Variants in LINGO2 observed in about 807,000 individuals in gnomAD.
The protein encoded by LINGO2 is leucine rich repeat and Ig domain containing 2.
In LINGO2, 14 loss-of-function variants were observed where a neutral mutation model predicts 30.6. The observed-to-expected ratio is 0.46, with a 90% CI of 0.30 to 0.72. The LOEUF is 0.72. Ranked by LOEUF, LINGO2 falls within the 30% of genes least tolerant of loss-of-function variation. The pLI, the probability that LINGO2 is intolerant of heterozygous loss-of-function variation, is 0.07. For synonymous variants in LINGO2, 317 were observed against 288.5 expected, an observed-to-expected ratio of 1.10 and a Z score of -1.00; for missense variants, 729 against 751.7, an observed-to-expected ratio of 0.97 and a Z score of 0.35.
chr9:28,197,819 T>C (rs1410270644), intron 4 of LINGO2, among the ~76,000 whole-genome samples: 1 of 151,792 alleles, frequency 6.6e-6, no homozygotes, highest in Non-Finnish European at 1.5e-5. Flanking sequence ...GTTAATTATC[T>C]TAAAGAACTC....
At chr9:28,914,565 C>T in the LINGO2 span, among the ~76,000 whole-genome samples, 1 of 152,148 alleles carries the variant, frequency 6.6e-6, no homozygotes, top group Admixed American at 6.6e-5. Context: ...TGGGTTTGAA[C>T]TGTGCAGGTT....
intron 4 of LINGO2, among the ~76,000 whole-genome samples, chr9:28,056,872 AGAAT>A (rs1430168629): frequency 6.6e-6 from 1 of 152,172 alleles, no homozygotes; most frequent in East Asian, 1.9e-4. Flanking sequence ...TTAAAATACA[AGAAT>A]GATAGAAACT....
At chr9:28,433,949 C>CTCTCTCTCTATATATATATATATATA (rs1225323260) in intron 2 of LINGO2, among the ~76,000 whole-genome samples, 7 of 88,532 alleles carry the variant, frequency 7.9e-5, no homozygotes, top group African/African-American at 2.2e-4. Context: ...CTCTCTCTCT[C>CTCTCTCTCTATATATATATATATATA]TATATATATA....
intron 5 of LINGO2, among the ~76,000 whole-genome samples, chr9:28,008,480 T>G (rs1377566087): frequency 1.8e-5 from 1 of 56,262 alleles, no homozygotes; most frequent in East Asian, 7.2e-4. Flanking sequence ...AAGACAGTTA[T>G]GGAAGGAAAA....
chr9:28,282,443 G>A (rs1396788296), intron 4 of LINGO2, among the ~76,000 whole-genome samples: 3 of 151,116 alleles, frequency 2.0e-5, no homozygotes, highest in Non-Finnish European at 2.9e-5. Context: ...TCCAAATCAT[G>A]TATTTCAGAA....
At chr9:28,268,775 A>G (rs1198755248) in intron 4 of LINGO2, among the ~76,000 whole-genome samples, 1 of 152,148 alleles carries the variant, frequency 6.6e-6, no homozygotes, top group Non-Finnish European at 1.5e-5. Context: ...AACATGCTGT[A>G]GACAACACAA....
intron 2 of LINGO2, among the ~76,000 whole-genome samples, chr9:28,459,392 A>G (rs1334686487): frequency 3.3e-5 from 5 of 152,138 alleles, no homozygotes; most frequent in Non-Finnish European, 7.4e-5. Context: ...TTTGGTAACA[A>G]GTTGAGAGTC....
chr9:28,284,498 C>A (rs1273086062), intron 4 of LINGO2, among the ~76,000 whole-genome samples: 6 of 152,124 alleles, frequency 3.9e-5, no homozygotes, highest in Non-Finnish European at 8.8e-5. Context: ...TCAGTTATTT[C>A]ATAAGTATTA....
chr9:28,247,951 G>A (rs1466813109), intron 4 of LINGO2, among the ~76,000 whole-genome samples: 2 of 152,078 alleles, frequency 1.3e-5, no homozygotes, highest in Non-Finnish European at 2.9e-5. Flanking sequence ...CAAAAGTCAG[G>A]AGCTAACAAA....
chr9:28,396,270 T>A (rs985774086), intron 2 of LINGO2, among the ~76,000 whole-genome samples: 20 of 152,220 alleles, frequency 1.3e-4, no homozygotes, highest in African/African-American at 4.6e-4. Flanking sequence ...CTATGAATCA[T>A]ATGCAAAGTA....
Position 28,667,256 on chromosome 9 carries a change from T to G in LINGO2, c.-365+2944A>C, listed in dbSNP as rs1160807061. 2.0e-5 allele frequency among the ~76,000 whole-genome samples: 3 copies of G among 152,304 alleles called. No individual in the cohort carries two copies. In the East Asian group the frequency reaches 5.8e-4, roughly 29 times the overall value. On this transcript the variant is annotated intron_variant, in intron 1 of 5. Transcript: ENST00000379992. ...TCTCACTTTAACTAAACCCATGTAA[T>G]ATTATTTTTAAAACCTTTCTCATAT...
At chr9:29,010,626 G>C in the LINGO2 span, among the ~76,000 whole-genome samples, 1 of 152,086 alleles carries the variant, frequency 6.6e-6, no homozygotes, top group Non-Finnish European at 1.5e-5. Flanking sequence ...TTTTTTTACT[G>C]AACTTCATGA....
At chr9:28,601,316 G>T (rs1825460161) in intron 1 of LINGO2, among the ~76,000 whole-genome samples, 1 of 152,090 alleles carries the variant, frequency 6.6e-6, no homozygotes, top group Non-Finnish European at 1.5e-5. Context: ...CCAAATTTAG[G>T]CTTATTCCTA....
intron 1 of LINGO2, among the ~76,000 whole-genome samples, chr9:28,519,280 C>T (rs866371636): frequency 2.0e-5 from 3 of 152,058 alleles, no homozygotes; most frequent in Non-Finnish European, 2.9e-5. Flanking sequence ...AAGTGATCCC[C>T]GGCCTCTGAC....
chr9:29,014,811 A>G, the LINGO2 span, among the ~76,000 whole-genome samples: 2 of 152,294 alleles, frequency 1.3e-5, no homozygotes, highest in Middle Eastern at 3.4e-3. Flanking sequence ...ATGGGTGAAT[A>G]GTATGAATGT....
intron 4 of LINGO2, among the ~76,000 whole-genome samples, chr9:28,047,357 T>C (rs1824471428): frequency 6.6e-6 from 1 of 151,594 alleles, no homozygotes; most frequent in South Asian, 2.1e-4. Flanking sequence ...TGGGTCATAC[T>C]GTATGAAAGA....
At chr9:28,964,406 C>T in the LINGO2 span, among the ~76,000 whole-genome samples, 1 of 151,790 alleles carries the variant, frequency 6.6e-6, no homozygotes, top group Admixed American at 6.6e-5. Context: ...ATAGGGAGAC[C>T]TTTCCAGAAT....
At chr9:28,774,458 C>T in the LINGO2 span, among the ~76,000 whole-genome samples, 4 of 152,044 alleles carry the variant, frequency 2.6e-5, no homozygotes, top group African/African-American at 9.7e-5. Flanking sequence ...TACATATGCC[C>T]ATGCCTATAC....
At chr9:28,017,441 C>T (rs947280228) in intron 4 of LINGO2, among the ~76,000 whole-genome samples, 5 of 152,282 alleles carry the variant, frequency 3.3e-5, no homozygotes, top group South Asian at 2.1e-4. Context: ...TAGAAAATCC[C>T]ATAGTGTCTG....
Sources: gnomAD v4.1 joint callset for allele counts (sites outside exome capture counted in the v4.1 genomes callset) on GRCh38, gnomAD v4.1.1 for gene constraint, MANE v1.5 for transcripts, NCBI Gene and HGNC (gene_info 2026-07-23, HGNC 2026-07-21) for gene names.